Variants in NDUFS4 observed in about 807,000 individuals in gnomAD.
NDUFS4 encodes the protein NADH:ubiquinone oxidoreductase subunit S4.
A neutral mutation model predicts 24.3 loss-of-function variants in NDUFS4; 28 were observed. The ratio of observed to expected loss-of-function variants is 1.15; its 90% confidence interval spans 0.85 to 1.58. The LOEUF is 1.58. Ranked by LOEUF, NDUFS4 falls within the 40% of genes most tolerant of loss-of-function variation. The pLI is 0.00. For missense variants in NDUFS4, 223 were observed against 207.9 expected (o/e 1.07, Z -0.45); for synonymous variants, 93 against 69.7 (o/e 1.34, Z -1.67).
intron 4 of NDUFS4, among the ~76,000 whole-genome samples, chr5:53,678,422 G>T (rs181075490): frequency 2.7e-4 from 41 of 152,260 alleles, no homozygotes; most frequent in African/African-American, 9.6e-4. Context: ...TCTAGAAAGT[G>T]ACGGCAGCAC....
chr5:53,669,398 C>T (rs760140780), intron 4 of NDUFS4, among the ~76,000 whole-genome samples: 6 of 152,152 alleles, frequency 3.9e-5, no homozygotes, highest in Non-Finnish European at 7.4e-5. Context: ...CCTCTACAAC[C>T]TCGTTAATAC....
chr5:53,591,197 C>G (rs971321546), intron 1 of NDUFS4, among the ~76,000 whole-genome samples: 3 of 152,074 alleles, frequency 2.0e-5, no homozygotes, highest in African/African-American at 7.3e-5. Context: ...AGTAGGGTTG[C>G]TTCTGTCTTT....
At chr5:53,608,588 G>A (rs1399083854) in intron 2 of NDUFS4, among the ~76,000 whole-genome samples, 1 of 150,492 alleles carries the variant, frequency 6.6e-6, no homozygotes, top group East Asian at 2.0e-4. Flanking sequence ...AGTAGATTCT[G>A]TCTCAAGAAA....
At chr5:53,652,554 A>G (rs1457674279) in intron 3 of NDUFS4, among the ~76,000 whole-genome samples, 2 of 152,260 alleles carry the variant, frequency 1.3e-5, no homozygotes, top group South Asian at 2.1e-4. Context: ...AATACATTTC[A>G]TTGTTATCTG....
intron 4 of NDUFS4, among the ~76,000 whole-genome samples, chr5:53,668,103 C>T (rs986861549): frequency 6.6e-6 from 1 of 152,116 alleles, no homozygotes; most frequent in African/African-American, 2.4e-5. Flanking sequence ...GTAAAACTGC[C>T]ACATACCTAC....
intron 1 of NDUFS4, among the ~76,000 whole-genome samples, chr5:53,597,804 G>A (rs2112450177): frequency 6.6e-6 from 1 of 152,150 alleles, no homozygotes; most frequent in African/African-American, 2.4e-5. Context: ...ACTCTAAAGA[G>A]AATGAAAGGA....
chr5:53,617,484 T>C (rs1267619333), intron 2 of NDUFS4, among the ~76,000 whole-genome samples: 1 of 152,120 alleles, frequency 6.6e-6, no homozygotes, highest in Non-Finnish European at 1.5e-5. Context: ...GTTTTGGCTT[T>C]CTGAGTCATT....
chr5:53,595,582 T>C (rs1484023681), intron 1 of NDUFS4, among the ~76,000 whole-genome samples: 1 of 152,244 alleles, frequency 6.6e-6, no homozygotes, highest in Non-Finnish European at 1.5e-5. Flanking sequence ...AACCTGTTGC[T>C]ATAAATGTAG....
intron 1 of NDUFS4, among the ~76,000 whole-genome samples, chr5:53,580,763 TTCTTTCTTTCTCTCTC>T (rs909238893): frequency 4.0e-5 from 6 of 151,300 alleles, no homozygotes; most frequent in South Asian, 2.1e-4. Context: ...TTCTCTTTCT[TTCTTTCTTTCTCTCTC>T]TCTTTCTTTC....
At chr5:53,595,428 A>G (rs1266414545) in intron 1 of NDUFS4, among the ~76,000 whole-genome samples, 2 of 152,196 alleles carry the variant, frequency 1.3e-5, no homozygotes, top group African/African-American at 4.8e-5. Context: ...CAGTAGACGT[A>G]TTCTTCTGTG....
chr5:53,618,891 A>T (rs1750938174), intron 2 of NDUFS4, among the ~76,000 whole-genome samples: 2 of 151,008 alleles, frequency 1.3e-5, no homozygotes, highest in Non-Finnish European at 3.0e-5. Context: ...AGGTGGGTGG[A>T]TTGCCTGAGC....
Position 53,560,682 on chromosome 5 carries a change from C to A in NDUFS4, c.20C>A (p.Ser7Ter). 1.2e-6 allele frequency: 2 copies of A among 1,614,270 alleles called. No individual in the cohort carries two copies. Among genetic ancestry groups the A allele is most frequent in the Non-Finnish European group, 1.7e-6 (2 of 1,180,048 alleles). Residue 7 changes from serine to a stop codon, truncating the protein, a stop_gained, in exon 1 of 5, where the codon TCA becomes TAA. Transcript: ENST00000296684. LOFTEE classifies it high-confidence loss of function. Reference sequence around the variant, plus strand: ...AGCAAGATGGCGGCGGTGTCAATGTCAGTGGTACTGAGGCAGACGTTGTGG... The same window carrying A: ...AGCAAGATGGCGGCGGTGTCAATGTAAGTGGTACTGAGGCAGACGTTGTGG... Reference protein sequence around the residue: MAAVSMSVVLRQTLWRR... With the variant: MAAVSM
At chr5:53,643,039 A>G (rs1430354588) in intron 2 of NDUFS4, among the ~76,000 whole-genome samples, 3 of 152,154 alleles carry the variant, frequency 2.0e-5, no homozygotes, top group African/African-American at 7.2e-5. Context: ...TAGGTTTCAT[A>G]CTTGACCCAA....
chr5:53,672,234 C>CA lies in NDUFS4; in HGVS notation c.425-10873dup, dbSNP rs879689009. 2.4e-3 allele frequency among the ~76,000 whole-genome samples: 335 copies of CA among 140,348 alleles called. 1 individual carries two copies. The highest frequency in any genetic ancestry group is 5.7e-3 in the African/African-American group (219 of 38,478). The allele number at this position is 140,348 out of a possible 152,430, so 92.1% of individuals were successfully genotyped here. ...CCATATATCTTTTAAAAAAACAAAA[C>CA]AAAAAAAAAAACTTTCAAAACAAAG... On this transcript the variant is annotated intron_variant, in intron 4 of 4. Transcript: ENST00000296684.
At chr5:53,563,502 C>T (rs946486747) in intron 1 of NDUFS4, among the ~76,000 whole-genome samples, 15 of 146,856 alleles carry the variant, frequency 1.0e-4, no homozygotes, top group African/African-American at 3.2e-4. Context: ...AAATTGTCTA[C>T]ATTTTTTTTT....
chr5:53,679,637 A>T (rs763712852), intron 4 of NDUFS4, among the ~76,000 whole-genome samples: 1 of 152,194 alleles, frequency 6.6e-6, no homozygotes, highest in Non-Finnish European at 1.5e-5. Flanking sequence ...AGAGAATTCT[A>T]CCTGGCGGCT....
At chr5:53,677,261 A>T (rs1198617392) in intron 4 of NDUFS4, among the ~76,000 whole-genome samples, 1 of 152,188 alleles carries the variant, frequency 6.6e-6, no homozygotes, top group Admixed American at 6.5e-5. Context: ...GGGGCCGTTG[A>T]CTGTCACATC....
chr5:53,611,205 G>GTT (rs571739118), intron 2 of NDUFS4, among the ~76,000 whole-genome samples: 7 of 140,612 alleles, frequency 5.0e-5, no homozygotes, highest in East Asian at 2.1e-4. Context: ...AAAACTTGTG[G>GTT]TTTTTTTTTT....
chr5:53,597,531 G>C (rs553121698), intron 1 of NDUFS4, among the ~76,000 whole-genome samples: 4 of 152,140 alleles, frequency 2.6e-5, no homozygotes, highest in African/African-American at 9.6e-5. Context: ...TAGTACGTTG[G>C]GTCAGTAGTG....
Sources: allele counts gnomAD v4.1 joint callset (sites outside exome capture counted in the v4.1 genomes callset), GRCh38; gene constraint gnomAD v4.1.1; transcripts MANE v1.5; gene names NCBI Gene and HGNC (gene_info 2026-07-23, HGNC 2026-07-21).